The following NUBPL variants were observed in gnomAD, a reference collection of about 807,000 sequenced individuals.
The protein encoded by NUBPL is NUBP iron-sulfur cluster assembly factor, mitochondrial.
In NUBPL, 31 loss-of-function variants were observed where a neutral mutation model predicts 45.7. The observed-to-expected ratio is 0.68, with a 90% CI of 0.51 to 0.92. NUBPL has a LOEUF of 0.92. Ranked by LOEUF, NUBPL falls within the 40% of genes least tolerant of loss-of-function variation. The pLI, the probability that NUBPL is intolerant of heterozygous loss-of-function variation, is 0.00. For missense variants in NUBPL, 401 were observed against 398.7 expected, an observed-to-expected ratio of 1.01 and a Z score of -0.05; for synonymous variants, 144 against 140.9, an observed-to-expected ratio of 1.02 and a Z score of -0.15.
At chr14:31,831,513 CATACT>C (rs1323349481) in intron 8 of NUBPL, among the ~76,000 whole-genome samples, 1,736 of 151,590 alleles carry the variant, frequency 0.011, 37 homozygotes, top group African/African-American at 0.04. Flanking sequence ...CATACCATAC[CATACT>C]ATACTCATAC....
At chr14:31,763,862 C>T (rs1017258806) in intron 6 of NUBPL, among the ~76,000 whole-genome samples, 2 of 152,090 alleles carry the variant, frequency 1.3e-5, no homozygotes, top group Non-Finnish European at 2.9e-5. Flanking sequence ...ATGTGACTTA[C>T]AATTTATAAT....
intron 8 of NUBPL, among the ~76,000 whole-genome samples, chr14:31,833,255 G>C (rs2040221686): frequency 6.6e-6 from 1 of 152,016 alleles, no homozygotes; most frequent in African/African-American, 2.4e-5. Context: ...TGTAGTCCAA[G>C]CTACTCAGGA....
intron 4 of NUBPL, among the ~76,000 whole-genome samples, chr14:31,638,300 T>C (rs1391835094): frequency 1.3e-5 from 2 of 151,982 alleles, no homozygotes; most frequent in Non-Finnish European, 2.9e-5. Flanking sequence ...ACAAAATCTC[T>C]CAGCATTTGC....
intron 4 of NUBPL, among the ~76,000 whole-genome samples, chr14:31,666,515 G>A (rs533362306): frequency 2.0e-5 from 3 of 151,866 alleles, no homozygotes; most frequent in East Asian, 2.0e-4. Flanking sequence ...TGCTCGCCTC[G>A]GCCTCCCAAA....
chr14:31,613,085 G>A (rs978187486), intron 4 of NUBPL, among the ~76,000 whole-genome samples: 10 of 152,134 alleles, frequency 6.6e-5, no homozygotes, highest in South Asian at 2.1e-4. Context: ...AATGTGGTAC[G>A]TATACACAAT....
chr14:31,673,378 A>T lies in NUBPL; in HGVS notation c.406A>T (p.Asn136Tyr). 6.2e-7 allele frequency: 1 copy of T among 1,607,810 alleles called. No homozygotes were observed. The highest frequency in any genetic ancestry group is 8.5e-7 in the Non-Finnish European group (1 of 1,176,850). ...AGGCAACCTAATGAGGCCTCTCTTGAATTATGGTATTGCTTGGTGAGCATA... is the reference window on the plus strand; with the variant it reads ...AGGCAACCTAATGAGGCCTCTCTTGTATTATGGTATTGCTTGGTGAGCATA... ...SQSNLMRPLL[N>Y]YGIACMSMGF... The change falls in exon 5 of 11, where the codon AAT becomes TAT. Residue 136 changes from asparagine to tyrosine, a missense_variant. By Grantham distance (143) the Asn-to-Tyr change is moderately radical. Coordinates refer to ENST00000281081, the MANE Select transcript of NUBPL (RefSeq NM_025152.3).
chr14:31,845,117 G>A (rs1166522389), intron 8 of NUBPL: 2 of 151,952 alleles, frequency 1.3e-5, no homozygotes, highest in South Asian at 4.1e-4. Flanking sequence ...TTTTGTGGCG[G>A]GCAAATACTA....
chr14:31,705,938 G>A (rs563815459), intron 6 of NUBPL, among the ~76,000 whole-genome samples: 100 of 152,274 alleles, frequency 6.6e-4, no homozygotes, highest in Admixed American at 9.8e-4. Context: ...ACTGGCCTGC[G>A]AGTGCTGCAC....
At chr14:31,620,742 G>T (rs932988112) in intron 4 of NUBPL, among the ~76,000 whole-genome samples, 2 of 152,188 alleles carry the variant, frequency 1.3e-5, no homozygotes, top group Non-Finnish European at 2.9e-5. Context: ...GTGTCTCCCA[G>T]TCAGGATACA....
At chr14:31,704,532 G>T (rs1701742965) in intron 6 of NUBPL, among the ~76,000 whole-genome samples, 1 of 152,004 alleles carries the variant, frequency 6.6e-6, no homozygotes, top group Non-Finnish European at 1.5e-5. Flanking sequence ...GCATGGTGGT[G>T]CATGCCTGTA....
At chr14:31,569,992 GA>G (rs1482488287) in intron 3 of NUBPL, among the ~76,000 whole-genome samples, 1 of 152,174 alleles carries the variant, frequency 6.6e-6, no homozygotes, top group African/African-American at 2.4e-5. Flanking sequence ...GAAACTTAAA[GA>G]CCATCAGAAA....
chr14:31,636,599 C>A (rs1265800095), intron 4 of NUBPL, among the ~76,000 whole-genome samples: 1 of 152,102 alleles, frequency 6.6e-6, no homozygotes, highest in African/African-American at 2.4e-5. Context: ...ATGATGCTGG[C>A]CTCATAAAAT....
chr14:31,803,997 G>A (rs868606668), intron 7 of NUBPL, among the ~76,000 whole-genome samples: 47 of 151,970 alleles, frequency 3.1e-4, no homozygotes, highest in African/African-American at 1.0e-3. Flanking sequence ...TGGTTCAAGG[G>A]ATTCTCCCAC....
At chr14:31,769,205 C>T (rs1377749224) in intron 6 of NUBPL, among the ~76,000 whole-genome samples, 1 of 152,154 alleles carries the variant, frequency 6.6e-6, no homozygotes, top group East Asian at 1.9e-4. Flanking sequence ...CAATAGCAAG[C>T]AGTTTCAGGA....
intron 6 of NUBPL, among the ~76,000 whole-genome samples, chr14:31,770,674 A>T (rs2038993564): frequency 6.6e-6 from 1 of 152,170 alleles, no homozygotes; most frequent in Non-Finnish European, 1.5e-5. Context: ...AAGGTGGTTA[A>T]GCTTTGGGAA....
intron 4 of NUBPL, among the ~76,000 whole-genome samples, chr14:31,639,172 G>C (rs1011998914): frequency 6.6e-6 from 1 of 152,124 alleles, no homozygotes; most frequent in Admixed American, 6.5e-5. Context: ...CTGGTTTTTA[G>C]AGTTTCCAGT....
intron 4 of NUBPL, among the ~76,000 whole-genome samples, chr14:31,635,806 A>G (rs777588003): frequency 0.064 from 9,725 of 151,870 alleles, 414 homozygotes; most frequent in Non-Finnish European, 0.091. Flanking sequence ...GGTCCTTCAC[A>G]TCCCTTGTAA....
At chr14:31,619,880 C>T (rs957005418) in intron 4 of NUBPL, among the ~76,000 whole-genome samples, 9 of 152,046 alleles carry the variant, frequency 5.9e-5, no homozygotes, top group African/African-American at 2.2e-4. Context: ...AGAGTGTTTT[C>T]CAACTTGGTT....
At chr14:31,790,115 G>A (rs1409100973) in intron 7 of NUBPL, among the ~76,000 whole-genome samples, 1 of 152,134 alleles carries the variant, frequency 6.6e-6, no homozygotes, top group Admixed American at 6.5e-5. Flanking sequence ...TATGTCTTGA[G>A]TAGTGACTTG....
Sources: gnomAD v4.1 joint callset for allele counts (sites outside exome capture counted in the v4.1 genomes callset) on GRCh38, gnomAD v4.1.1 for gene constraint, MANE v1.5 for transcripts, NCBI Gene and HGNC (gene_info 2026-07-23, HGNC 2026-07-21) for gene names.